The following PLD5 variants were observed in gnomAD, a reference collection of about 807,000 sequenced individuals.
PLD5 encodes phospholipase D family member 5, also known as inactive phospholipase D5.
PLD5 carries 36 observed loss-of-function variants against 61.1 expected under a neutral mutation model. That is an observed-to-expected ratio of 0.59 (90% CI 0.45 to 0.78). The LOEUF (loss-of-function observed/expected upper bound fraction) is 0.78. Ranked by LOEUF, PLD5 falls within the 30% of genes least tolerant of loss-of-function variation. The pLI, the probability that PLD5 is intolerant of heterozygous loss-of-function variation, is 0.00. For missense variants in PLD5, 515 were observed against 644.4 expected, an observed-to-expected ratio of 0.80 and a Z score of 2.17; for synonymous variants, 243 against 242.8, an observed-to-expected ratio of 1.00 and a Z score of -0.01.
intron 2 of PLD5, among the ~76,000 whole-genome samples, chr1:242,327,163 C>T (rs568665591): frequency 5.7e-4 from 86 of 149,668 alleles, no homozygotes; most frequent in Admixed American, 7.9e-4. Flanking sequence ...CCACGCCTGG[C>T]GCTAATTTTT....
chr1:242,294,324 T>C (rs528720001), intron 2 of PLD5, among the ~76,000 whole-genome samples: 15 of 152,258 alleles, frequency 9.9e-5, no homozygotes, highest in Non-Finnish European at 1.9e-4. Context: ...CGAACTGTTC[T>C]TATTAATAGC....
chr1:242,393,709 T>C lies in PLD5; in HGVS notation c.190-45467A>G, dbSNP rs1316553307. ...GTATATATATGAGTATATATGTGTG[T>C]ATATATGAGTATATATGTGTGTATA... On this transcript the variant is annotated intron_variant, in intron 1 of 9. Transcript: ENST00000536534. 2.1e-5 allele frequency among the ~76,000 whole-genome samples: 3 copies of C among 142,884 alleles called. 1 individual carries two copies. In the South Asian group the frequency reaches 6.7e-4, roughly 32 times the overall value. The allele number at this position is 142,884 out of a possible 152,430, so 93.7% of individuals were successfully genotyped here.
chr1:242,190,859 T>C (rs1266501423), intron 5 of PLD5, among the ~76,000 whole-genome samples: 1 of 152,130 alleles, frequency 6.6e-6, no homozygotes, highest in East Asian at 1.9e-4. Context: ...AACAAGACAA[T>C]CATGCACTGC....
intron 5 of PLD5, among the ~76,000 whole-genome samples, chr1:242,180,173 A>G (rs1667432510): frequency 6.6e-6 from 1 of 152,148 alleles, no homozygotes; most frequent in Admixed American, 6.5e-5. Flanking sequence ...AGCCCTGGGA[A>G]ACTAGGGCAC....
intron 1 of PLD5, among the ~76,000 whole-genome samples, chr1:242,448,840 GAAA>G (rs930420113): frequency 1.3e-5 from 2 of 149,194 alleles, no homozygotes; most frequent in Non-Finnish European, 3.0e-5. Flanking sequence ...AGTTTCAAAA[GAAA>G]AAAAAAATCA....
intron 2 of PLD5, among the ~76,000 whole-genome samples, chr1:242,314,556 CTA>C (rs1254663872): frequency 6.6e-6 from 1 of 152,198 alleles, no homozygotes; most frequent in African/African-American, 2.4e-5. Flanking sequence ...CTTTGTGCCT[CTA>C]TGTGTTTCCA....
chr1:242,354,845 A>C (rs898524841), intron 1 of PLD5, among the ~76,000 whole-genome samples: 3 of 151,828 alleles, frequency 2.0e-5, no homozygotes, highest in Non-Finnish European at 4.4e-5. Context: ...AAGGATGTTA[A>C]ATTTTGTGAA....
chr1:242,111,532 T>C (rs185464343), intron 7 of PLD5, among the ~76,000 whole-genome samples: 2 of 152,308 alleles, frequency 1.3e-5, no homozygotes, highest in African/African-American at 4.8e-5. Context: ...TTTTTCTCTT[T>C]CATCTGGATG....
At chr1:242,383,232 C>T (rs893702) in intron 1 of PLD5, among the ~76,000 whole-genome samples, 138,875 of 152,182 alleles carry the variant, frequency 0.91, 63,398 homozygotes, top group Admixed American at 0.94. Context: ...TTATTTTTAA[C>T]TGACACAATC....
At chr1:242,419,202 T>C (rs74154113) in intron 1 of PLD5, among the ~76,000 whole-genome samples, 26,061 of 152,028 alleles carry the variant, frequency 0.17, 2,621 homozygotes, top group African/African-American at 0.28. Context: ...GATGGGCGCC[T>C]GGGTGGCGTG....
At chr1:242,428,817 TCAC>T (rs1665567676) in intron 1 of PLD5, among the ~76,000 whole-genome samples, 3 of 152,080 alleles carry the variant, frequency 2.0e-5, no homozygotes, top group Non-Finnish European at 4.4e-5. Context: ...AGGGAAGAAA[TCAC>T]GATGATAAAA....
chr1:242,505,715 G>A (rs1015073189), intron 1 of PLD5, among the ~76,000 whole-genome samples: 6 of 152,284 alleles, frequency 3.9e-5, no homozygotes, highest in South Asian at 2.1e-4. Flanking sequence ...GAAAGACAAC[G>A]GCAGACCTCA....
intron 4 of PLD5, among the ~76,000 whole-genome samples, chr1:242,227,366 GTTTGT>G (rs1207003444): frequency 6.6e-6 from 1 of 151,898 alleles, no homozygotes; most frequent in Non-Finnish European, 1.5e-5. Context: ...TGCTCTGTTT[GTTTGT>G]TTTGTTTTGG....
At chr1:242,391,852 A>G (rs887283042) in intron 1 of PLD5, among the ~76,000 whole-genome samples, 1 of 152,184 alleles carries the variant, frequency 6.6e-6, no homozygotes, top group Non-Finnish European at 1.5e-5. Context: ...AAAGGCAGAG[A>G]TTTCTCAAAG....
At chr1:242,324,472 C>T (rs1658626510) in intron 2 of PLD5, among the ~76,000 whole-genome samples, 1 of 152,208 alleles carries the variant, frequency 6.6e-6, no homozygotes, top group African/African-American at 2.4e-5. Context: ...CTCTATCTTG[C>T]TTCCAATCTC....
intron 1 of PLD5, among the ~76,000 whole-genome samples, chr1:242,502,646 T>A (rs1290391951): frequency 6.6e-6 from 1 of 152,138 alleles, no homozygotes; most frequent in Non-Finnish European, 1.5e-5. Context: ...CTTACGCAAG[T>A]GCATGGGCAT....
At chr1:242,376,016 T>C (rs760534457) in intron 1 of PLD5, among the ~76,000 whole-genome samples, 3 of 152,326 alleles carry the variant, frequency 2.0e-5, no homozygotes, top group Non-Finnish European at 2.9e-5. Context: ...ATATTCTTAG[T>C]TGTGTTTCTG....
intron 1 of PLD5, among the ~76,000 whole-genome samples, chr1:242,398,332 C>T (rs912564838): frequency 2.0e-5 from 3 of 152,144 alleles, no homozygotes; most frequent in South Asian, 4.1e-4. Flanking sequence ...AAGGTTGAAT[C>T]GTCTCGCTGT....
chr1:242,381,286 A>G (rs144751485), intron 1 of PLD5, among the ~76,000 whole-genome samples: 4 of 152,324 alleles, frequency 2.6e-5, no homozygotes, highest in African/African-American at 9.6e-5. Flanking sequence ...TCCTTGGCAA[A>G]CTAACTCAGG....
Sources: gnomAD v4.1 joint callset for allele counts (sites outside exome capture counted in the v4.1 genomes callset) on GRCh38, gnomAD v4.1.1 for gene constraint, MANE v1.5 for transcripts, NCBI Gene and HGNC (gene_info 2026-07-23, HGNC 2026-07-21) for gene names.